Variants in FCHO1 observed in about 807,000 individuals in gnomAD.
FCHO1 encodes the protein F-BAR domain only protein 1.
FCHO1 carries 45 observed loss-of-function variants against 114.4 expected under a neutral mutation model. The observed-to-expected ratio is 0.39, with a 90% CI of 0.31 to 0.50. The LOEUF is 0.50. Among genes scored for constraint, FCHO1 ranks in the 20% least tolerant of loss-of-function variants. The pLI is 0.77. For missense variants in FCHO1, 1,042 were observed against 1,209.6 expected, an observed-to-expected ratio of 0.86 and a Z score of 2.06; for synonymous variants, 480 against 488.9, an observed-to-expected ratio of 0.98 and a Z score of 0.24.
chr19:17,763,685 G>C lies in FCHO1; in HGVS notation c.120-690G>C, dbSNP rs527799206. Reference sequence around the variant, plus strand: ...CGATCCTCCCACCTCAGGATCCTGAGTAGCTGGGACTACAGGCATGCACCA... The same window carrying C: ...CGATCCTCCCACCTCAGGATCCTGACTAGCTGGGACTACAGGCATGCACCA... On this transcript the variant is annotated intron_variant, in intron 5 of 28. Transcript: ENST00000596536. Among the ~76,000 whole-genome samples, 4 of 150,716 alleles carry C rather than the reference G, an allele frequency of 2.7e-5. No homozygotes were observed. In the Admixed American group the frequency reaches 2.7e-4, roughly 10 times the overall value.
intron 28 of FCHO1, among the ~76,000 whole-genome samples, 181 bp downstream of exon 28, chr19:17,788,027 G>A (rs1016490444): frequency 6.6e-6 from 1 of 152,082 alleles, no homozygotes; most frequent in Non-Finnish European, 1.5e-5. Context: ...TGTATCTGGG[G>A]CTGGCCCTTG....
chr19:17,763,530 G>A (rs2087298718), intron 5 of FCHO1, among the ~76,000 whole-genome samples: 2 of 150,324 alleles, frequency 1.3e-5, no homozygotes, highest in Non-Finnish European at 3.0e-5. Context: ...TCCAAAAGTG[G>A]TGGAATTACA....
intron 19 of FCHO1, 74 bp from the exon 20 acceptor site, chr19:17,778,535 G>T (rs563315070): frequency 7.6e-5 from 110 of 1,446,754 alleles, no homozygotes; most frequent in East Asian, 5.7e-4. Flanking sequence ...CGACGTGGCC[G>T]TGGCCTGCAG....
intron 18 of FCHO1, among the ~76,000 whole-genome samples, chr19:17,777,769 A>C (rs1056817538): frequency 6.6e-6 from 1 of 152,062 alleles, no homozygotes; most frequent in Non-Finnish European, 1.5e-5. Flanking sequence ...AACAGGCTGC[A>C]CACAGTGGCT....
chr19:17,760,343 G>A (rs146038263), intron 4 of FCHO1, among the ~76,000 whole-genome samples: 7 of 152,114 alleles, frequency 4.6e-5, no homozygotes, highest in African/African-American at 1.2e-4. Context: ...GAGGCACCGC[G>A]CCCGGCCTGA....
At position 17,783,064 on chromosome 19, in the gene FCHO1, G is replaced by A. The variant is rs376091554; in HGVS notation, c.1985G>A (p.Gly662Asp). 4.2e-5 allele frequency: 67 copies of A among 1,614,122 alleles called. No individual in the cohort carries two copies. The highest frequency in any genetic ancestry group is 5.6e-5 in the Non-Finnish European group (66 of 1,180,016). ...TGELTMTFPAGIVRVFSGTPP... is the reference protein window; with the variant it reads ...TGELTMTFPADIVRVFSGTPP... ...GAGCTGACCATGACCTTCCCTGCTGGCATCGTGCGTGTGTTCAGCGGGACC... is the reference window on the plus strand; with the variant it reads ...GAGCTGACCATGACCTTCCCTGCTGACATCGTGCGTGTGTTCAGCGGGACC... The change falls in exon 24 of 29, where the codon GGC (glycine) becomes GAC (aspartate). Residue 662 changes from glycine (G) to aspartate (D), a missense_variant. Transcript: ENST00000596536.
intron 6 of FCHO1, among the ~76,000 whole-genome samples, chr19:17,765,882 C>CTT (rs397859350): frequency 0.094 from 5,667 of 60,108 alleles, 451 homozygotes; most frequent in Non-Finnish European, 0.11. Context: ...CTTAGTCACT[C>CTT]TTTTTTTTTT....
intron 27 of FCHO1, 47 bp from the exon 28 acceptor site, chr19:17,787,634 TG>T (rs1234474121): frequency 6.6e-7 from 1 of 1,512,396 alleles, no homozygotes; most frequent in Middle Eastern, 2.4e-4. Context: ...GGTTCACAGC[TG>T]GGACGGGGGC....
At chr19:17,771,358 TA>T (rs1269242537) in intron 9 of FCHO1, among the ~76,000 whole-genome samples, 71 of 112,630 alleles carry the variant, frequency 6.3e-4, no homozygotes, top group African/African-American at 1.8e-3. Flanking sequence ...CAGGTGTATA[TA>T]AAAAAAAAAA....
At chr19:17,785,060 G>T in intron 26 of FCHO1, 136 bp downstream of exon 26, 2 of 828,832 alleles carry the variant, frequency 2.4e-6, no homozygotes, top group Non-Finnish European at 3.9e-6. Flanking sequence ...AGCACTAAGG[G>T]TGATGTTATG....
intron 23 of FCHO1, 24 bp downstream of exon 23, chr19:17,781,844 G>A: frequency 1.3e-6 from 2 of 1,505,510 alleles, no homozygotes; most frequent in Admixed American, 2.0e-5. Context: ...GGCAGACAGG[G>A]CCCGTGGGAA....
chr19:17,784,999 A>G lies in FCHO1; in HGVS notation c.2426+75A>G. On this transcript the variant is annotated intron_variant, in intron 26 of 28. Coordinates refer to ENST00000596536, the MANE Select transcript of FCHO1 (RefSeq NM_015122.3). The surrounding 1 kb of genome is among the most constrained non-coding windows in gnomAD (Gnocchi z 5.3). ...CCCAGACCTTCTCCCTGATGCATTGATTAAAGGGTGCACCCTCGGCCTGAC... is the reference window on the plus strand; with the variant it reads ...CCCAGACCTTCTCCCTGATGCATTGGTTAAAGGGTGCACCCTCGGCCTGAC... The G allele has an allele frequency of 6.9e-7, 1 of 1,455,914 alleles. No individual in the cohort carries two copies. Among genetic ancestry groups the G allele is most frequent in the Non-Finnish European group, 9.5e-7 (1 of 1,056,140 alleles). 90.2% of individuals were successfully genotyped at this position (1,455,914 alleles called of 1,614,324 possible). A position where few individuals can be genotyped will look rare whatever the true frequency, so the allele number is the denominator to read the frequency against.
At chr19:17,748,511 G>GT (rs1555710101), upstream of FCHO1, among the ~76,000 whole-genome samples, 5 of 151,694 alleles carry the variant, frequency 3.3e-5, no homozygotes, top group African/African-American at 1.2e-4. Flanking sequence ...TGGACTTGGG[G>GT]GGGGGGTCCC....
At position 17,775,810 on chromosome 19, in the gene FCHO1, G is replaced by C. The variant is rs374930370; in HGVS notation, c.1004-173G>C. On this transcript the variant is annotated intron_variant, in intron 15 of 28. Transcript: ENST00000596536. This position sits in a 1 kb window ranked among gnomAD's most constrained non-coding sequence, Gnocchi z 5.1. ...GCATGCTTGTGCAAAGGCTTCTCGG[G>C]GGGGGTGGGAGTGCTGGTGGGACAT... Among the ~76,000 whole-genome samples the C allele has an allele frequency of 1.7e-3, 258 of 152,122 alleles. 10 individuals are homozygous for C. The South Asian group carries it at 0.051, about 30-fold the overall frequency.
intron 4 of FCHO1, among the ~76,000 whole-genome samples, chr19:17,760,202 C>T (rs957703197): frequency 1.3e-5 from 2 of 152,154 alleles, no homozygotes; most frequent in African/African-American, 2.4e-5. Flanking sequence ...AGGCATGTGC[C>T]ACCACGCCTG....
rs2091896183 is a variant in FCHO1, at chr19:17,772,708, G to A, written c.757G>A (p.Ala253Thr). The A allele has an allele frequency of 6.2e-7, 1 of 1,614,202 alleles. No homozygotes were observed. Among genetic ancestry groups the A allele is most frequent in the Non-Finnish European group, 8.5e-7 (1 of 1,180,044 alleles). Residue 253 changes from alanine (A) to threonine (T), a missense_variant, in exon 11 of 29, where the codon GCA becomes ACA. Coordinates refer to ENST00000596536, the MANE Select transcript of FCHO1 (RefSeq NM_015122.3). ...VSVEMLLRKF[A>T]ESKGTGREKP... ...CGTGGAGATGCTACTCAGGAAGTTTGCAGAGAGTAAGGGCACAGGCCGGGA... is the reference window on the plus strand; with the variant it reads ...CGTGGAGATGCTACTCAGGAAGTTTACAGAGAGTAAGGGCACAGGCCGGGA...
chr19:17,770,498 C>G lies in FCHO1; in HGVS notation c.410C>G (p.Ser137Cys). 1 of 1,613,962 alleles carries G rather than the reference C, an allele frequency of 6.2e-7. No homozygotes were observed. Residue 137 changes from serine to cysteine, a missense_variant, in exon 8 of 29, where the codon TCC becomes TGC. Ser to Cys is a moderately radical substitution (Grantham distance 112). Transcript: ENST00000596536. Reference protein sequence around the residue: ...LSGVSQLLPKSRENYLNRCMD... With the variant: ...LSGVSQLLPKCRENYLNRCMD... ...GGCGTCAGCCAGCTCCTGCCCAAGT[C>G]CCGCGAGAACTACCTGAACCGTTGC...
In FCHO1 at chr19:17,776,145, TTCC is replaced by T; in HGVS notation, c.1171_1173del (p.Pro391del). 6.2e-7 allele frequency: 1 copy of T among 1,613,726 alleles called. No homozygotes were observed. Among genetic ancestry groups the T allele is most frequent in the Non-Finnish European group, 8.5e-7 (1 of 1,179,846 alleles). ...AGGGCCACCGCGGGCAGCCTCATCC[TTCC>T]TCCTGGCCCAGGGGTGAGGCGTGGG... is the stretch of plus-strand genomic sequence containing the variant. On this transcript the variant is annotated inframe_deletion, in exon 16 of 29. Transcript: ENST00000596536. This position sits in a 1 kb window ranked among gnomAD's most constrained non-coding sequence, Gnocchi z 4.4.
chr19:17,781,873 C>A, intron 23 of FCHO1, 53 bp downstream of exon 23: 1 of 1,192,712 alleles, frequency 8.4e-7, no homozygotes. Flanking sequence ...TGGGGGAGTC[C>A]AGCAGGGACA....
Sources: gnomAD v4.1 joint callset for allele counts (sites outside exome capture counted in the v4.1 genomes callset) on GRCh38, gnomAD v4.1.1 for gene constraint, Gnocchi (gnomAD v3.1) non-coding constraint, MANE v1.5 for transcripts, NCBI Gene and HGNC (gene_info 2026-07-23, HGNC 2026-07-21) for gene names.